The following MUC6 variants were observed in gnomAD, a reference collection of about 807,000 sequenced individuals.
MUC6 encodes the protein mucin-6.
MUC6 carries 188 observed loss-of-function variants against 201.5 expected under a neutral mutation model. That is an observed-to-expected ratio of 0.93 (90% CI 0.83 to 1.05). The LOEUF (loss-of-function observed/expected upper bound fraction) is 1.05, where lower values mean the gene tolerates loss of function less well. Ranked by LOEUF, MUC6 falls within the 50% of genes least tolerant of loss-of-function variation. The probability of loss-of-function intolerance (pLI) is 0.00; values close to 1 mark genes in which losing one functional copy is unlikely to be tolerated. For synonymous variants in MUC6, 1,228 were observed against 1,389.4 expected (o/e 0.88, Z 2.58); for missense variants, 2,706 against 3,256.9 (o/e 0.83, Z 4.12).
At position 1,031,811 on chromosome 11, in the gene MUC6, A is replaced by G. The variant is rs764423381; in HGVS notation, c.356+2T>C. The G allele has an allele frequency of 1.9e-6, 3 of 1,599,016 alleles. No individual in the cohort carries two copies. Among genetic ancestry groups the G allele is most frequent in the Non-Finnish European group, 2.6e-6 (3 of 1,173,908 alleles). ...CCCCGGGCCCCGGCCCACCTGACCT[A>G]CCCGATGTCCTTGACTGAGATGATG... On this transcript the variant is annotated splice_donor_variant, in intron 3 of 32. Transcript: ENST00000421673. LOFTEE classifies it high-confidence loss of function.
intron 8 of MUC6, 84 bp downstream of exon 8, chr11:1,030,129 G>A (rs903475873): frequency 1.4e-6 from 2 of 1,433,246 alleles, no homozygotes; most frequent in Non-Finnish European, 1.9e-6. Flanking sequence ...GACCTGGGTC[G>A]GGGTGGGTGG....
chr11:1,013,876 A>T, intron 32 of MUC6, 23 bp downstream of exon 32: 1 of 1,587,654 alleles, frequency 6.3e-7, no homozygotes, highest in South Asian at 1.1e-5. Context: ...GACGTGGGGC[A>T]GGCCTCCCAC....
chr11:1,027,815 C>T lies in MUC6; in HGVS notation c.1851G>A (p.Arg617=). 6.2e-7 allele frequency: 1 copy of T among 1,609,316 alleles called. No homozygotes were observed. The highest frequency in any genetic ancestry group is 1.7e-5 in the Admixed American group (1 of 59,822). ...CGTAGTTGCAGGCCTGGTACACGCACCTCTGCGGGCAGAGAGCCAGCATGG... is the reference window on the plus strand; with the variant it reads ...CGTAGTTGCAGGCCTGGTACACGCATCTCTGCGGGCAGAGAGCCAGCATGG... ...ATVNPAPFYK[R]CVYQACNYEE... Residue 617 remains arginine, a splice_region_variant and synonymous_variant, in exon 16 of 33, where the codon AGG becomes AGA. Transcript: ENST00000421673.
Position 1,016,157 on chromosome 11 carries a change from G to T in MUC6, c.6644C>A (p.Thr2215Asn), listed in dbSNP as rs761589289. 6.2e-7 allele frequency: 1 copy of T among 1,613,638 alleles called. No homozygotes were observed. Among genetic ancestry groups the T allele is most frequent in the East Asian group, 2.2e-5 (1 of 44,886 alleles). ...AGAGAGGGTGAAAGGAGAGGAGATA[G>T]TGTGGGGGAGAGTGGCCCTAATGGT... ...STTIRATLPH[T>N]ISSPFTLSAL... Residue 2215 changes from threonine (T) to asparagine (N), a missense_variant, in exon 31 of 33, where the codon ACT becomes AAT. Physicochemically the swap from Thr to Asn is moderately conservative, Grantham distance 65. This residue lies in a region of MUC6 where 586 missense variants were observed against 488.0 expected (regional missense o/e 1.20). Transcript: ENST00000421673.
chr11:1,016,504 G>A lies in MUC6; in HGVS notation c.6297C>T (p.Ser2099=), dbSNP rs879125364. Reference sequence around the variant, plus strand: ...TGATAGGTGATGACGGTGGCCTTGAGCTAGAGTTCTGAGGCAGCCAAGACG... The same window carrying A: ...TGATAGGTGATGACGGTGGCCTTGAACTAGAGTTCTGAGGCAGCCAAGACG... ...SSSSWLPQNS[S]SRPPSSPITT... is the part of the protein sequence containing the mutation. The change falls in exon 31 of 33, where the codon AGC becomes AGT. Residue 2099 remains serine (S), a synonymous_variant. Coordinates refer to ENST00000421673, the MANE Select transcript of MUC6 (RefSeq NM_005961.3). 2.5e-6 allele frequency: 4 copies of A among 1,613,946 alleles called. No homozygotes were observed. The highest frequency in any genetic ancestry group is 2.2e-5 in the South Asian group (2 of 91,074).
intron 2 of MUC6, among the ~76,000 whole-genome samples, chr11:1,032,288 TGTGTGTGCAC>T (rs1047047307): frequency 1.1e-4 from 17 of 152,194 alleles, no homozygotes; most frequent in East Asian, 9.7e-4. Context: ...ATGTGTGTTG[TGTGTGTGCAC>T]GTGTGTGCAC....
At position 1,027,478 on chromosome 11, in the gene MUC6, C is replaced by A; in HGVS notation, c.2021G>T (p.Ser674Ile). ...CTGNTTFSYN[S>I]QACERTCLSL... is the part of the protein sequence containing the mutation. ...CAGGCAGGTGCGCTCACAGGCTTGG[C>A]TGTTGTAGCTGAAGGTGGTGTTACC... Residue 674 changes from serine (S) to isoleucine (I), a missense_variant, in exon 17 of 33, where the codon AGC becomes ATC. By Grantham distance (142) the Ser-to-Ile change is moderately radical. Around this residue, in one of 10 missense-constraint regions of MUC6, gnomAD observed 1,850 missense variants for 1,958.3 expected, o/e 0.94. Coordinates refer to ENST00000421673, the MANE Select transcript of MUC6 (RefSeq NM_005961.3). 1 of 1,612,604 alleles carries A rather than the reference C, an allele frequency of 6.2e-7. No homozygotes were observed. Among genetic ancestry groups the A allele is most frequent in the Non-Finnish European group, 8.5e-7 (1 of 1,179,816 alleles).
intron 28 of MUC6, 86 bp from the exon 29 acceptor site, chr11:1,020,343 G>T (rs930535414): frequency 1.3e-6 from 2 of 1,491,570 alleles, no homozygotes; most frequent in African/African-American, 2.8e-5. Context: ...TGGCCCTGAA[G>T]CCGGGCAGCC....
rs1186052039 is a variant in MUC6 at position 1,029,586 on chromosome 11, G to C, written c.1045C>G (p.His349Asp). The C allele has an allele frequency of 1.9e-6, 3 of 1,605,426 alleles. No individual in the cohort carries two copies. Among genetic ancestry groups the C allele is most frequent in the Non-Finnish European group, 2.6e-6 (3 of 1,175,456 alleles). Residue 349 changes from histidine to aspartate, a missense_variant, in exon 9 of 33, where the codon CAC becomes GAC. Coordinates refer to ENST00000421673, the MANE Select transcript of MUC6 (RefSeq NM_005961.3). The part of the protein sequence containing the change: ...GTVLNDLSNN[H>D]TCVPVTQCPC... ...CACTGGGTGACGGGCACGCAGGTGT[G>C]GTTATTGGAGAGGTCATTCAGGACC... is the stretch of plus-strand genomic sequence containing the variant.
In MUC6 at chr11:1,033,594, G is replaced by A. The variant is rs545836539; in HGVS notation, c.53-519C>T. Among the ~76,000 whole-genome samples the A allele has an allele frequency of 6.6e-6, 1 of 152,120 alleles. No homozygotes were observed. The highest frequency in any genetic ancestry group is 1.5e-5 in the Non-Finnish European group (1 of 67,998). On this transcript the variant is annotated intron_variant, in intron 1 of 32. Transcript: ENST00000421673. This position sits in a 1 kb window ranked among gnomAD's most constrained non-coding sequence, Gnocchi z 5.6. ...TTTCCTGCACGTCAGCCTTGAGACA[G>A]CCTTGATGTCAGGCCTGGCACTGAG...
At position 1,016,349 on chromosome 11, in the gene MUC6, G is replaced by C; in HGVS notation, c.6452C>G (p.Ser2151Cys). Residue 2151 changes from serine (S) to cysteine (C), a missense_variant, in exon 31 of 33, where the codon TCT becomes TGT. Ser to Cys is a moderately radical substitution (Grantham distance 112, BLOSUM62 -1). This residue lies in a region of MUC6 where 586 missense variants were observed against 488.0 expected (regional missense o/e 1.20). Coordinates refer to ENST00000421673, the MANE Select transcript of MUC6 (RefSeq NM_005961.3). ...AACAGAAGGCGATGAAGTCTGGGGA[G>C]AGGAGTGGGAGGAGGGCACATAAGA... ...VSSYVPSSHS[S>C]PQTSSPSVGT... The C allele has an allele frequency of 6.2e-7, 1 of 1,611,466 alleles. No homozygotes were observed.
chr11:1,031,464 T>C, intron 4 of MUC6, 143 bp downstream of exon 4: 1 of 1,351,168 alleles, frequency 7.4e-7, no homozygotes, highest in Non-Finnish European at 9.9e-7. Context: ...TGGTCAGGGG[T>C]CAGCACTGCT....
In MUC6 at chr11:1,027,556, C is replaced by T. The variant is rs763002051; in HGVS notation, c.1982-39G>A. The T allele has an allele frequency of 2.2e-5, 35 of 1,605,728 alleles. No homozygotes were observed. In the Middle Eastern group the frequency reaches 1.6e-3, roughly 72 times the overall value. The stretch of plus-strand genomic sequence containing the variant: ...GGGCATCAGACTCTCCGGGAGGGGG[C>T]GGCCGGGAGGGCAATCTCGGGTTCC... On this transcript the variant is annotated intron_variant, in intron 16 of 32. Transcript: ENST00000421673.
In MUC6 at chr11:1,031,601, C is replaced by T; in HGVS notation, c.483+6G>A. The T allele has an allele frequency of 1.9e-6, 3 of 1,547,332 alleles. No homozygotes were observed. The highest frequency in any genetic ancestry group is 2.6e-6 in the Non-Finnish European group (3 of 1,147,008). On this transcript the variant is annotated splice_donor_region_variant and intron_variant, in intron 4 of 32. Transcript: ENST00000421673. ...TCCAGGCCCACCCTGGCCCTTCTCT[C>T]CTCACCATGAGGTGGCTGTCAGGAC... is the stretch of plus-strand genomic sequence containing the variant.
chr11:1,019,577 T>C, intron 29 of MUC6, 81 bp from the exon 30 acceptor site: 1 of 1,313,846 alleles, frequency 7.6e-7, no homozygotes, highest in Non-Finnish European at 1.1e-6. Context: ...CCTGCCCTGC[T>C]TCTGGGATCC....
In MUC6 at chr11:1,031,043, T is replaced by A. The variant is rs1564844659; in HGVS notation, c.588A>T (p.Glu196Asp). 3.2e-6 allele frequency: 5 copies of A among 1,566,548 alleles called. No homozygotes were observed. Among genetic ancestry groups the A allele is most frequent in the Non-Finnish European group, 4.3e-6 (5 of 1,158,768 alleles). ...EFVSEEGKFL[E>D]PHKFAALQKL... The stretch of plus-strand genomic sequence containing the variant: ...TCTGGAGGGCAGCAAACTTGTGGGG[T>A]TCCAGGAACTTGCCTGGGGTGCAGA... Residue 196 changes from glutamate (E) to aspartate (D), a missense_variant, in exon 6 of 33, where the codon GAA becomes GAT. By Grantham distance (45) the Glu-to-Asp change is conservative. Transcript: ENST00000421673.
chr11:1,019,220 G>T, intron 30 of MUC6, 55 bp downstream of exon 30: 1 of 1,547,658 alleles, frequency 6.5e-7, no homozygotes, highest in Non-Finnish European at 8.9e-7. Flanking sequence ...ATGTGAGCTG[G>T]TGGTGGGACC....
chr11:1,033,069 G>A lies in MUC6; in HGVS notation c.59C>T (p.Ala20Val). The A allele has an allele frequency of 6.2e-7, 1 of 1,613,176 alleles. No individual in the cohort carries two copies. The highest frequency in any genetic ancestry group is 1.3e-5 in the African/African-American group (1 of 75,008). ...GCCTGGGCTGGTGTAGGAGGTGTTAGCCAGACCTGTGTGGACGGGACCCGC... is the reference window on the plus strand; with the variant it reads ...GCCTGGGCTGGTGTAGGAGGTGTTAACCAGACCTGTGTGGACGGGACCCGC... ...CCGALLSAGL[A>V]NTSYTSPGLQ... is the part of the protein sequence containing the mutation. The change falls in exon 2 of 33, where the codon GCT (alanine) becomes GTT (valine). Residue 20 changes from alanine to valine, a missense_variant. This residue lies in a region of MUC6 where 1,850 missense variants were observed against 1,958.3 expected (regional missense o/e 0.94). Transcript: ENST00000421673. This position sits in a 1 kb window ranked among gnomAD's most constrained non-coding sequence, Gnocchi z 5.6.
At position 1,015,875 on chromosome 11, in the gene MUC6, C is replaced by G. The variant is rs1237022350; in HGVS notation, c.6926G>C (p.Gly2309Ala). Reference sequence around the variant, plus strand: ...CCGTGTGGTAGGCGACAAGGTGGGACCAGGGTGCCTGGTGGTAAGGTTGGT... The same window carrying G: ...CCGTGTGGTAGGCGACAAGGTGGGAGCAGGGTGCCTGGTGGTAAGGTTGGT... ...PVTNLTTRHPGPTLSPTTRFL... is the reference protein window; with the variant it reads ...PVTNLTTRHPAPTLSPTTRFL... Residue 2309 changes from glycine (G) to alanine (A), a missense_variant, in exon 31 of 33, where the codon GGT becomes GCT. Physicochemically the swap from Gly to Ala is moderately conservative, Grantham distance 60. This residue lies in a region of MUC6 where 586 missense variants were observed against 488.0 expected (regional missense o/e 1.20). Coordinates refer to ENST00000421673, the MANE Select transcript of MUC6 (RefSeq NM_005961.3). The G allele has an allele frequency of 6.2e-7, 1 of 1,608,342 alleles. No individual in the cohort carries two copies. Among genetic ancestry groups the G allele is most frequent in the South Asian group, 1.1e-5 (1 of 90,056 alleles).
Sources: allele counts gnomAD v4.1 joint callset (sites outside exome capture counted in the v4.1 genomes callset), GRCh38; gene constraint gnomAD v4.1.1; regional missense constraint gnomAD v4.1.1; non-coding constraint Gnocchi (gnomAD v3.1); transcripts MANE v1.5; gene names NCBI Gene and HGNC (gene_info 2026-07-23, HGNC 2026-07-21).